The following ERBB4 variants were observed in gnomAD, a reference collection of about 807,000 sequenced individuals.
ERBB4 encodes receptor tyrosine-protein kinase erbB-4.
In ERBB4, 42 loss-of-function variants were observed where a neutral mutation model predicts 158.0. The ratio of observed to expected loss-of-function variants is 0.27; its 90% CI spans 0.21 to 0.34. The LOEUF (loss-of-function observed/expected upper bound fraction) is 0.34, where lower values mean the gene tolerates loss of function less well. Ranked by LOEUF, ERBB4 falls within the 10% of genes least tolerant of loss-of-function variation. The probability of loss-of-function intolerance (pLI) is 1.00; values close to 1 mark genes in which losing one functional copy is unlikely to be tolerated. For missense variants in ERBB4, 1,333 were observed against 1,624.1 expected (o/e 0.82, Z 3.08); for synonymous variants, 583 against 558.7 (o/e 1.04, Z -0.61).
At chr2:212,153,896 G>GTCACTA (rs1315146215) in intron 1 of ERBB4, among the ~76,000 whole-genome samples, 1 of 152,060 alleles carries the variant, frequency 6.6e-6, no homozygotes, top group Admixed American at 6.6e-5. Flanking sequence ...TTTAAAAAAG[G>GTCACTA]CAGATTATGA....
chr2:211,413,309 A>AAAAAAAAAAAAAAC lies in ERBB4; in HGVS notation c.3135+7131_3135+7132insGTTTTTTTTTTTTT, dbSNP rs1553524037. Among the ~76,000 whole-genome samples, 2 of 94,556 alleles carry AAAAAAAAAAAAAAC rather than the reference A, an allele frequency of 2.1e-5. 1 individual carries two copies. The highest frequency in any genetic ancestry group is 7.7e-5 in the African/African-American group (2 of 26,012). 62.0% of individuals were successfully genotyped at this position (94,556 alleles called of 152,430 possible). ...GGACAGAGAGAGACCCTGTCTTAAA[A>AAAAAAAAAAAAAAC]ACACACACACACACACACACACACA... On this transcript the variant is annotated intron_variant, in intron 25 of 27. Coordinates refer to ENST00000342788, the MANE Select transcript of ERBB4 (RefSeq NM_005235.3).
At chr2:211,881,976 G>T (rs1187169615) in intron 3 of ERBB4, among the ~76,000 whole-genome samples, 3 of 152,098 alleles carry the variant, frequency 2.0e-5, no homozygotes, top group African/African-American at 7.2e-5. Flanking sequence ...GATAACATCG[G>T]CTTACTATTA....
chr2:211,789,703 C>T (rs150780945), intron 3 of ERBB4, among the ~76,000 whole-genome samples: 11 of 152,110 alleles, frequency 7.2e-5, no homozygotes, highest in East Asian at 5.8e-4. Context: ...GGAAGGCAAC[C>T]GACACCATCT....
At chr2:212,075,558 G>C (rs1251045770) in intron 2 of ERBB4, among the ~76,000 whole-genome samples, 1 of 151,800 alleles carries the variant, frequency 6.6e-6, no homozygotes, top group Non-Finnish European at 1.5e-5. Context: ...CAGTGGGTCA[G>C]AGAAATTATC....
chr2:211,840,108 C>T (rs2077437507), intron 3 of ERBB4, among the ~76,000 whole-genome samples: 1 of 152,190 alleles, frequency 6.6e-6, no homozygotes, highest in African/African-American at 2.4e-5. Flanking sequence ...TGAATTGTAA[C>T]TCCCATAATT....
rs774467771 is a variant in ERBB4, at chr2:211,679,108, C to G, written c.1566G>C (p.Ser522=). The G allele has an allele frequency of 5.0e-6, 8 of 1,613,598 alleles. No individual in the cohort carries two copies. The African/African-American group carries it at 9.4e-5, about 19-fold the overall frequency. Residue 522 remains serine (S), a synonymous_variant, in exon 13 of 28, where the codon TCG becomes TCC. Coordinates refer to ENST00000342788, the MANE Select transcript of ERBB4 (RefSeq NM_005235.3). ...TCCTTCCTCTACTGAAGCGGCGACACGACAGACATTGGTCTGGCCCAGGTC... is the reference window on the plus strand; with the variant it reads ...TCCTTCCTCTACTGAAGCGGCGACAGGACAGACATTGGTCTGGCCCAGGTC... ...CWGPGPDQCL[S]CRRFSRGRIC... is the part of the protein sequence containing the mutation.
At chr2:212,332,534 ATTTAT>A (rs2088227295) in intron 1 of ERBB4, among the ~76,000 whole-genome samples, 2 of 152,100 alleles carry the variant, frequency 1.3e-5, no homozygotes, top group African/African-American at 2.4e-5. Context: ...ATTATTCTAA[ATTTAT>A]TTTATTTGTC....
chr2:211,702,555 C>A (rs867428486), intron 11 of ERBB4, among the ~76,000 whole-genome samples: 2 of 152,030 alleles, frequency 1.3e-5, no homozygotes, highest in Non-Finnish European at 2.9e-5. Flanking sequence ...ATTAATTCCT[C>A]TTTATGTAAT....
At chr2:211,809,422 G>A (rs2076697263) in intron 3 of ERBB4, among the ~76,000 whole-genome samples, 1 of 152,144 alleles carries the variant, frequency 6.6e-6, no homozygotes, top group Non-Finnish European at 1.5e-5. Context: ...TTTTGGGAGG[G>A]TGTATGTGTC....
intron 20 of ERBB4, among the ~76,000 whole-genome samples, chr2:211,556,041 A>C (rs996816631): frequency 6.6e-6 from 1 of 152,140 alleles, no homozygotes; most frequent in Non-Finnish European, 1.5e-5. Flanking sequence ...GGATAACGAG[A>C]CCCAACTACA....
At chr2:212,517,679 T>G (rs1343723802) in intron 1 of ERBB4, among the ~76,000 whole-genome samples, 1 of 152,136 alleles carries the variant, frequency 6.6e-6, no homozygotes, top group Admixed American at 6.5e-5. Context: ...TCTGCATGGA[T>G]GCAAGGTGAA....
At chr2:212,368,421 T>C (rs2089967664) in intron 1 of ERBB4, among the ~76,000 whole-genome samples, 1 of 152,072 alleles carries the variant, frequency 6.6e-6, no homozygotes, top group East Asian at 1.9e-4. Context: ...TTTGGGGATT[T>C]GAGGGGAAGA....
At chr2:212,062,527 C>T (rs892841924) in intron 2 of ERBB4, among the ~76,000 whole-genome samples, 2 of 146,464 alleles carry the variant, frequency 1.4e-5, no homozygotes, top group South Asian at 4.4e-4. Context: ...CCTGCTTCAG[C>T]CTCCCGAGTA....
intron 1 of ERBB4, among the ~76,000 whole-genome samples, chr2:212,129,656 A>G (rs2080049600): frequency 3.3e-5 from 5 of 152,032 alleles, no homozygotes; most frequent in Non-Finnish European, 1.5e-5. Flanking sequence ...CTATTCCTCA[A>G]TAAATGATCA....
At chr2:212,244,741 G>A (rs536756851) in intron 1 of ERBB4, among the ~76,000 whole-genome samples, 53 of 152,098 alleles carry the variant, frequency 3.5e-4, no homozygotes, top group African/African-American at 1.2e-3. Flanking sequence ...CTACAGTCTG[G>A]TTTAACTTTC....
At chr2:211,901,043 T>C (rs2079221145) in intron 3 of ERBB4, among the ~76,000 whole-genome samples, 1 of 152,204 alleles carries the variant, frequency 6.6e-6, no homozygotes, top group Admixed American at 6.5e-5. Context: ...TTATATACTA[T>C]AAAATGTTTT....
At chr2:211,629,107 C>T (rs1262672940) in intron 17 of ERBB4, among the ~76,000 whole-genome samples, 2 of 151,892 alleles carry the variant, frequency 1.3e-5, no homozygotes, top group African/African-American at 4.8e-5. Flanking sequence ...AAAATTTTGT[C>T]CCTGTTTTTA....
chr2:211,567,234 T>A (rs556349728), intron 19 of ERBB4, among the ~76,000 whole-genome samples: 1 of 152,328 alleles, frequency 6.6e-6, no homozygotes, highest in East Asian at 1.9e-4. Flanking sequence ...GACTGTACTG[T>A]TACGACAGTA....
chr2:211,796,254 C>A (rs775545266), intron 3 of ERBB4, among the ~76,000 whole-genome samples: 1 of 151,844 alleles, frequency 6.6e-6, no homozygotes, highest in Non-Finnish European at 1.5e-5. Context: ...TCATACCATA[C>A]GTATTCTCTT....
Sources: gnomAD v4.1 joint callset for allele counts (sites outside exome capture counted in the v4.1 genomes callset) on GRCh38, gnomAD v4.1.1 for gene constraint, MANE v1.5 for transcripts, NCBI Gene and HGNC (gene_info 2026-07-23, HGNC 2026-07-21) for gene names.